Variants in TRIM33 observed in about 807,000 individuals in gnomAD.
TRIM33 encodes the protein E3 ubiquitin-protein ligase TRIM33.
In TRIM33, 20 loss-of-function variants were observed where a neutral mutation model predicts 125.4. The observed-to-expected ratio is 0.16, with a 90% CI of 0.11 to 0.23. TRIM33 has a LOEUF of 0.23. TRIM33 is among the 10% of genes least tolerant of loss of function. The pLI, the probability that TRIM33 is intolerant of heterozygous loss-of-function variation, is 1.00. For synonymous variants in TRIM33, 564 were observed against 513.9 expected (o/e 1.10, Z -1.32); for missense variants, 920 against 1,411.4 (o/e 0.65, Z 5.58).
chr1:114,456,737 G>A (rs534685389), intron 4 of TRIM33, among the ~76,000 whole-genome samples: 45 of 152,138 alleles, frequency 3.0e-4, no homozygotes, highest in Non-Finnish European at 4.0e-4. Context: ...GAGTTGATTC[G>A]GGTCCCCACA....
rs1259170943 is a variant in TRIM33, at chr1:114,407,046, A to C, written c.2313T>G (p.Asp771Glu). ...AEKTSLSFKS[D>E]QVKVKQEPGT... is the part of the protein sequence containing the mutation. ...CAGGTTCTTGCTTGACCTTCACCTG[A>C]TCAGATTTGAAACTAAGACTTGTCT... The change falls in exon 14 of 20, where the codon GAT becomes GAG. Residue 771 changes from aspartate (D) to glutamate (E), a missense_variant. Asp to Glu is a conservative substitution (Grantham distance 45). Around this residue, in one of 8 missense-constraint regions of TRIM33, gnomAD observed 407 missense variants for 589.7 expected, o/e 0.69. Coordinates refer to ENST00000358465, the MANE Select transcript of TRIM33 (RefSeq NM_015906.4). 2 of 1,613,788 alleles carry C rather than the reference A, an allele frequency of 1.2e-6. No homozygotes were observed. Among genetic ancestry groups the C allele is most frequent in the African/African-American group, 1.3e-5 (1 of 74,902 alleles).
At chr1:114,430,760 A>T in intron 6 of TRIM33, 38 bp downstream of exon 6, 1 of 1,056,420 alleles carries the variant, frequency 9.5e-7, no homozygotes, top group East Asian at 2.4e-5. Context: ...AAAGAGCAAG[A>T]GAAGCAGTTT....
At position 114,448,091 on chromosome 1, in the gene TRIM33, T is replaced by C. The variant is rs189148498; in HGVS notation, c.924-14358A>G. Among the ~76,000 whole-genome samples, 8 of 152,242 alleles carry C rather than the reference T, an allele frequency of 5.3e-5. No individual in the cohort carries two copies. The East Asian group carries it at 9.7e-4, about 18-fold the overall frequency. The stretch of plus-strand genomic sequence containing the variant: ...GAAGAAAAACAGCAGCATACTGAAA[T>C]ATAGGAATAATTGTTAGAGACTGAA... On this transcript the variant is annotated intron_variant, in intron 4 of 19. Coordinates refer to ENST00000358465, the MANE Select transcript of TRIM33 (RefSeq NM_015906.4).
rs1653338817 is a variant in TRIM33 at position 114,511,072 on chromosome 1, G to A, written c.5C>T (p.Ala2Val). The A allele has an allele frequency of 2.3e-6, 3 of 1,281,614 alleles. No individual in the cohort carries two copies. Among genetic ancestry groups the A allele is most frequent in the Non-Finnish European group, 3.0e-6 (3 of 1,011,520 alleles). The allele number at this position is 1,281,614 out of a possible 1,614,324, so 79.4% of individuals were successfully genotyped here. A position where few individuals can be genotyped will look rare whatever the true frequency, so the allele number is the denominator to read the frequency against. Reference protein sequence around the residue: MAENKGGGEAES... With the variant: MVENKGGGEAES... ...AGCCTCGCCGCCGCCTTTGTTTTCC[G>A]CCATGTTTTCCTCTTTGAACCCGCC... Residue 2 changes from alanine (A) to valine (V), a missense_variant, in exon 1 of 20, where the codon GCG becomes GTG. By Grantham distance (64) the Ala-to-Val change is moderately conservative. This residue lies in a region of TRIM33 where 233 missense variants were observed against 189.6 expected (regional missense o/e 1.23). Transcript: ENST00000358465.
chr1:114,425,419 C>T, intron 9 of TRIM33, 30 bp downstream of exon 9: 2 of 1,605,588 alleles, frequency 1.2e-6, no homozygotes, highest in Non-Finnish European at 1.7e-6. Context: ...TTCATAATTT[C>T]TATCAATAAT....
At position 114,396,117 on chromosome 1, in the gene TRIM33, T is replaced by A. The variant is rs1403358142; in HGVS notation, c.*1531A>T. The A allele has an allele frequency of 1.0e-5, 2 of 200,798 alleles. No individual in the cohort carries two copies. The allele number at this position is 200,798 out of a possible 1,614,324, so 12.4% of individuals were successfully genotyped here. On this transcript the variant is annotated 3_prime_UTR_variant, in exon 20 of 20. Coordinates refer to ENST00000358465, the MANE Select transcript of TRIM33 (RefSeq NM_015906.4). Reference sequence around the variant, plus strand: ...CTAACAGCAAATTCTTCTATTTTGGTCTCTGAATATTCTAATGTGTCCATA... The same window carrying A: ...CTAACAGCAAATTCTTCTATTTTGGACTCTGAATATTCTAATGTGTCCATA...
chr1:114,397,619 T>TTTTTTTTA lies in TRIM33; in HGVS notation c.*28_*29insTAAAAAAA. 1 of 1,252,932 alleles carries TTTTTTTTA rather than the reference T, an allele frequency of 8.0e-7. No individual in the cohort carries two copies. Among genetic ancestry groups the TTTTTTTTA allele is most frequent in the Non-Finnish European group, 1.1e-6 (1 of 891,368 alleles). 77.6% of individuals were successfully genotyped at this position (1,252,932 alleles called of 1,614,324 possible). ...TTTTTTTTTTTTCGTTTTTTTTTTT[T>TTTTTTTTA]TAAACAATTGATTTAAATCCATGTC... On this transcript the variant is annotated 3_prime_UTR_variant, in exon 20 of 20. Transcript: ENST00000358465.
chr1:114,393,506 T>C lies in TRIM33; in HGVS notation c.*4142A>G, dbSNP rs988982959. On this transcript the variant is annotated 3_prime_UTR_variant, in exon 20 of 20. Coordinates refer to ENST00000358465, the MANE Select transcript of TRIM33 (RefSeq NM_015906.4). Reference sequence around the variant, plus strand: ...TAGAAAAGGGCTAAACTTAACTTTGTACACTTTGTAGTTTGATATGACAAA... The same window carrying C: ...TAGAAAAGGGCTAAACTTAACTTTGCACACTTTGTAGTTTGATATGACAAA... 1 of 200,572 alleles carries C rather than the reference T, an allele frequency of 5.0e-6. No homozygotes were observed. Among genetic ancestry groups the C allele is most frequent in the Non-Finnish European group, 1.0e-5 (1 of 96,996 alleles). The allele number at this position is 200,572 out of a possible 1,614,324, so 12.4% of individuals were successfully genotyped here. A position where few individuals can be genotyped will look rare whatever the true frequency, so the allele number is the denominator to read the frequency against.
intron 4 of TRIM33, among the ~76,000 whole-genome samples, chr1:114,449,469 A>G (rs1017902541): frequency 6.6e-6 from 1 of 152,188 alleles, no homozygotes; most frequent in African/African-American, 2.4e-5. Context: ...AGAAAAATAC[A>G]GATAAAAAAT....
chr1:114,422,935 A>T (rs1216372388), intron 10 of TRIM33, among the ~76,000 whole-genome samples: 1 of 152,124 alleles, frequency 6.6e-6, no homozygotes, highest in African/African-American at 2.4e-5. Context: ...GTAATTTGTA[A>T]ATTTTGTAAA....
chr1:114,406,844 G>A lies in TRIM33; in HGVS notation c.2418+97C>T, dbSNP rs533650662. 3.6e-5 allele frequency: 44 copies of A among 1,208,046 alleles called. No homozygotes were observed. The African/African-American group carries it at 5.9e-4, about 16-fold the overall frequency. 74.8% of individuals were successfully genotyped at this position (1,208,046 alleles called of 1,614,324 possible). On this transcript the variant is annotated intron_variant, in intron 14 of 19. Transcript: ENST00000358465. ...CAGGCATGAAATTTCAAAAATAAAT[G>A]TTTCTAGACCCACTACTTAGTCTTA...
intron 5 of TRIM33, among the ~76,000 whole-genome samples, chr1:114,431,757 G>GT (rs1179247905): frequency 2.0e-5 from 3 of 152,114 alleles, no homozygotes; most frequent in Non-Finnish European, 2.9e-5. Flanking sequence ...AAATAATGTA[G>GT]TTTTTTTCCT....
intron 1 of TRIM33, chr1:114,468,596 C>G (rs566447330): frequency 5.0e-6 from 2 of 402,428 alleles, no homozygotes; most frequent in Admixed American, 3.7e-5. Flanking sequence ...ACTGATGAAG[C>G]TGAAGAAGGT....
intron 1 of TRIM33, among the ~76,000 whole-genome samples, chr1:114,471,389 C>G (rs1650641301): frequency 6.7e-6 from 1 of 149,270 alleles, no homozygotes; most frequent in Admixed American, 6.7e-5. Context: ...TGCAGTGAGC[C>G]AAGATCATGC....
chr1:114,485,010 C>A (rs1651583680), intron 1 of TRIM33, among the ~76,000 whole-genome samples: 1 of 152,032 alleles, frequency 6.6e-6, no homozygotes, highest in Admixed American at 6.5e-5. Flanking sequence ...CGAGATCACA[C>A]CACTGCACTC....
At chr1:114,496,488 C>T (rs1266341400) in intron 1 of TRIM33, among the ~76,000 whole-genome samples, 1 of 152,130 alleles carries the variant, frequency 6.6e-6, no homozygotes, top group African/African-American at 2.4e-5. Context: ...CCTAACATGT[C>T]CCATCAAATG....
chr1:114,429,184 A>G (rs1024182004), intron 6 of TRIM33, among the ~76,000 whole-genome samples: 2 of 150,956 alleles, frequency 1.3e-5, no homozygotes, highest in Non-Finnish European at 3.0e-5. Flanking sequence ...AATCTGCACA[A>G]GAGTACTTTT....
intron 11 of TRIM33, 89 bp from the exon 12 acceptor site, chr1:114,410,405 A>G: frequency 1.5e-6 from 2 of 1,310,196 alleles, no homozygotes; most frequent in Non-Finnish European, 2.1e-6. Context: ...CAGTTTATTA[A>G]TAAACTAACA....
chr1:114,439,081 A>G (rs899285652), intron 4 of TRIM33, among the ~76,000 whole-genome samples: 13 of 152,226 alleles, frequency 8.5e-5, no homozygotes, highest in African/African-American at 2.9e-4. Context: ...CAAAAATCAC[A>G]GTGACATCAC....
Sources: allele counts gnomAD v4.1 joint callset (sites outside exome capture counted in the v4.1 genomes callset), GRCh38; gene constraint gnomAD v4.1.1; regional missense constraint gnomAD v4.1.1; transcripts MANE v1.5; gene names NCBI Gene and HGNC (gene_info 2026-07-23, HGNC 2026-07-21).